Variants in NKAIN2 observed in about 807,000 individuals in gnomAD.
The protein encoded by NKAIN2 is sodium/potassium-transporting ATPase subunit beta-1-interacting protein 2.
NKAIN2 carries 14 observed loss-of-function variants against 32.6 expected under a neutral mutation model. That is an observed-to-expected ratio of 0.43 (90% CI 0.28 to 0.67). The LOEUF (loss-of-function observed/expected upper bound fraction) is 0.67. Ranked by LOEUF, NKAIN2 falls within the 30% of genes least tolerant of loss-of-function variation. NKAIN2 has a pLI of 0.17. For synonymous variants in NKAIN2, 80 were observed against 87.2 expected (o/e 0.92, Z 0.46); for missense variants, 198 against 258.3 (o/e 0.77, Z 1.60).
intron 3 of NKAIN2, among the ~76,000 whole-genome samples, chr6:124,552,028 G>A (rs1229494477): frequency 1.3e-5 from 2 of 152,172 alleles, no homozygotes; most frequent in Non-Finnish European, 2.9e-5. Flanking sequence ...ACAGCATACT[G>A]AACAGAAGTC....
intron 1 of NKAIN2, among the ~76,000 whole-genome samples, chr6:124,217,542 G>A (rs896991904): frequency 1.3e-5 from 2 of 151,924 alleles, no homozygotes; most frequent in Non-Finnish European, 2.9e-5. Flanking sequence ...TTGATACAAA[G>A]CACACATTTC....
Position 124,573,091 on chromosome 6 carries a change from C to T in NKAIN2, c.274-85095C>T, listed in dbSNP as rs144314780. On this transcript the variant is annotated intron_variant, in intron 3 of 6. Transcript: ENST00000368417. The stretch of plus-strand genomic sequence containing the variant: ...CTGACCTCAGGTGATCCGCCCACCC[C>T]GGCCTCCCAAAGTGCTGGGATTACA... 8.9e-3 allele frequency among the ~76,000 whole-genome samples: 1,353 copies of T among 152,204 alleles called. 22 individuals are homozygous for T. Among genetic ancestry groups the T allele is most frequent in the African/African-American group, 0.03 (1,234 of 41,526 alleles).
chr6:124,220,723 T>C (rs2114694126), intron 1 of NKAIN2, among the ~76,000 whole-genome samples: 1 of 151,934 alleles, frequency 6.6e-6, no homozygotes, highest in African/African-American at 2.4e-5. Flanking sequence ...TATATGTTTG[T>C]TTGTTAATTG....
intron 1 of NKAIN2, among the ~76,000 whole-genome samples, chr6:123,904,678 A>T (rs780796477): frequency 2.6e-5 from 4 of 152,224 alleles, no homozygotes. Context: ...CTCAATGAAC[A>T]TGTCCATGAA....
chr6:124,744,931 C>T (rs1412966749), intron 4 of NKAIN2, among the ~76,000 whole-genome samples: 3 of 151,906 alleles, frequency 2.0e-5, no homozygotes, highest in South Asian at 2.1e-4. Flanking sequence ...TCCTTGGCTA[C>T]GTGCTAACTC....
chr6:124,314,689 A>T (rs1402890351), intron 2 of NKAIN2, among the ~76,000 whole-genome samples: 1 of 152,192 alleles, frequency 6.6e-6, no homozygotes, highest in Non-Finnish European at 1.5e-5. Context: ...AAAAGGGTTC[A>T]GCCTACGATG....
At chr6:124,151,967 A>T (rs1412807266) in intron 1 of NKAIN2, among the ~76,000 whole-genome samples, 6 of 151,844 alleles carry the variant, frequency 4.0e-5, no homozygotes, top group Non-Finnish European at 8.8e-5. Flanking sequence ...TTTACTTTTA[A>T]TGAAGTCCAA....
chr6:124,521,657 C>T (rs1242369511), intron 3 of NKAIN2, among the ~76,000 whole-genome samples: 1 of 152,116 alleles, frequency 6.6e-6, no homozygotes, highest in Middle Eastern at 3.2e-3. Flanking sequence ...CTTTAGGTTG[C>T]AAGAATAATC....
chr6:124,320,603 T>G (rs1287542084), intron 2 of NKAIN2, among the ~76,000 whole-genome samples: 1 of 152,204 alleles, frequency 6.6e-6, no homozygotes, highest in Non-Finnish European at 1.5e-5. Flanking sequence ...AACTGCCTAT[T>G]ATTTGTTTAT....
At chr6:124,468,911 T>C (rs1186399348) in intron 3 of NKAIN2, among the ~76,000 whole-genome samples, 3 of 152,162 alleles carry the variant, frequency 2.0e-5, no homozygotes, top group Admixed American at 6.5e-5. Context: ...AAAGGTGGCA[T>C]ATGTTTTCTT....
chr6:123,862,123 T>C (rs1434588709), intron 1 of NKAIN2, among the ~76,000 whole-genome samples: 2 of 152,184 alleles, frequency 1.3e-5, no homozygotes, highest in African/African-American at 2.4e-5. Context: ...ATTGACCATT[T>C]TCTCAAATCC....
intron 1 of NKAIN2, among the ~76,000 whole-genome samples, chr6:124,042,610 C>G (rs1469771095): frequency 6.6e-6 from 1 of 152,008 alleles, no homozygotes; most frequent in Non-Finnish European, 1.5e-5. Flanking sequence ...AAATACAGAC[C>G]TTAAACTTAT....
rs536625312 is a variant in NKAIN2, at chr6:123,915,508, T to C, written c.54+111254T>C. 3.3e-5 allele frequency among the ~76,000 whole-genome samples: 5 copies of C among 152,286 alleles called. No individual in the cohort carries two copies. In the South Asian group the frequency reaches 8.3e-4, roughly 25 times the overall value. Reference sequence around the variant, plus strand: ...GACCTAGAGAGTGGTAAGTCATCCATGTGACTTGGTTTGAGAGGCACTGAC... The same window carrying C: ...GACCTAGAGAGTGGTAAGTCATCCACGTGACTTGGTTTGAGAGGCACTGAC... On this transcript the variant is annotated intron_variant, in intron 1 of 6. Coordinates refer to ENST00000368417, the MANE Select transcript of NKAIN2 (RefSeq NM_001040214.3).
chr6:124,098,361 A>C lies in NKAIN2; in HGVS notation c.55-184644A>C, dbSNP rs904917977. 2.0e-5 allele frequency among the ~76,000 whole-genome samples: 3 copies of C among 152,180 alleles called. No individual in the cohort carries two copies. The East Asian group carries it at 5.8e-4, about 29-fold the overall frequency. ...CACGAGGAATGCCTCAACAGATTTA[A>C]CTTCAAGCAAAATGTATACAAAATG... is the stretch of plus-strand genomic sequence containing the variant. On this transcript the variant is annotated intron_variant, in intron 1 of 6. Transcript: ENST00000368417.
chr6:123,824,438 A>G (rs1774057987), intron 1 of NKAIN2, among the ~76,000 whole-genome samples: 1 of 152,166 alleles, frequency 6.6e-6, no homozygotes, highest in Admixed American at 6.6e-5. Context: ...TAAAAACTAA[A>G]GGTGCAAAAA....
intron 2 of NKAIN2, among the ~76,000 whole-genome samples, chr6:124,323,295 G>GT (rs1227101809): frequency 2.0e-5 from 3 of 152,012 alleles, no homozygotes; most frequent in East Asian, 1.9e-4. Context: ...CAGTTTATCA[G>GT]TTTTTTTGTC....
At chr6:123,969,396 A>C (rs912443496) in intron 1 of NKAIN2, among the ~76,000 whole-genome samples, 5 of 152,220 alleles carry the variant, frequency 3.3e-5, no homozygotes, top group African/African-American at 9.6e-5. Context: ...CTGCGGTTTA[A>C]CAATGCATCC....
chr6:124,282,456 G>C (rs1795341703), intron 1 of NKAIN2, among the ~76,000 whole-genome samples: 1 of 144,978 alleles, frequency 6.9e-6, no homozygotes. Context: ...TCACAGACGA[G>C]GGCCAGCACC....
chr6:124,327,230 T>G (rs1192443437), intron 2 of NKAIN2, among the ~76,000 whole-genome samples: 1 of 152,116 alleles, frequency 6.6e-6, no homozygotes, highest in African/African-American at 2.4e-5. Context: ...CTAAAGGAAT[T>G]TTGGAGGGAT....
Sources: gnomAD v4.1 joint callset for allele counts (sites outside exome capture counted in the v4.1 genomes callset) on GRCh38, gnomAD v4.1.1 for gene constraint, MANE v1.5 for transcripts, NCBI Gene and HGNC (gene_info 2026-07-23, HGNC 2026-07-21) for gene names.